TSEN15: variants seen among roughly 807,000 people sequenced by gnomAD.
The protein encoded by TSEN15 is tRNA-splicing endonuclease subunit Sen15.
A neutral mutation model predicts 20.5 loss-of-function variants in TSEN15; 10 were observed. The observed-to-expected ratio is 0.49, with a 90% CI of 0.30 to 0.83. TSEN15 has a LOEUF of 0.83. Among genes scored for constraint, TSEN15 ranks in the 40% least tolerant of loss-of-function variants. TSEN15 has a pLI of 0.06. For missense variants in TSEN15, 180 were observed against 218.6 expected (o/e 0.82, Z 1.11); for synonymous variants, 72 against 80.1 (o/e 0.90, Z 0.54).
chr1:184,072,016 AT>A, intron 3 of TSEN15, 140 bp from the exon 4 acceptor site: 2 of 734,168 alleles, frequency 2.7e-6, no homozygotes, highest in Non-Finnish European at 2.1e-6. Flanking sequence ...CTCTGATGTT[AT>A]TTTTTAAAAT....
intron 3 of TSEN15, among the ~76,000 whole-genome samples, chr1:184,060,599 A>T (rs993870654): frequency 6.6e-6 from 1 of 152,256 alleles, no homozygotes; most frequent in African/African-American, 2.4e-5. Flanking sequence ...ATTTCAAAGT[A>T]TTTCAAAATA....
At chr1:184,066,486 C>G (rs1340683172) in intron 3 of TSEN15, among the ~76,000 whole-genome samples, 1 of 151,672 alleles carries the variant, frequency 6.6e-6, no homozygotes, top group Non-Finnish European at 1.5e-5. Context: ...CACTGCAACC[C>G]GGTCCGCCTC....
chr1:184,078,923 C>G (rs926624033), downstream of TSEN15, among the ~76,000 whole-genome samples: 20 of 152,066 alleles, frequency 1.3e-4, no homozygotes, highest in Non-Finnish European at 2.6e-4. Context: ...TCCATTGCAG[C>G]CCCTAGCAGA....
At chr1:184,083,470 A>C (rs915035507) in intron 3 of TSEN15, among the ~76,000 whole-genome samples, 2 of 152,180 alleles carry the variant, frequency 1.3e-5, no homozygotes, top group Non-Finnish European at 2.9e-5. Flanking sequence ...TATTTATTCA[A>C]CATTTTTTGG....
chr1:184,059,664 G>A (rs933541810), intron 3 of TSEN15, among the ~76,000 whole-genome samples: 8 of 152,130 alleles, frequency 5.3e-5, no homozygotes, highest in South Asian at 2.1e-4. Context: ...TCCGCCTCCC[G>A]GGTTCAAGTG....
exon 4 of TSEN15, chr1:184,096,422 A>G (rs2101950258): frequency 6.6e-6 from 1 of 152,348 alleles, no homozygotes; most frequent in South Asian, 2.1e-4. Flanking sequence ...GGTTTTAGGA[A>G]TCACAGGGTT....
In TSEN15 at chr1:184,051,886, C is replaced by T. The variant is rs766250288; in HGVS notation, c.131C>T (p.Pro44Leu). 18 of 1,549,558 alleles carry T rather than the reference C, an allele frequency of 1.2e-5. No homozygotes were observed. Among genetic ancestry groups the T allele is most frequent in the Non-Finnish European group, 1.4e-5 (16 of 1,147,456 alleles). The change falls in exon 1 of 5, where the codon CCT (proline) becomes CTT (leucine). Residue 44 changes from proline to leucine, a missense_variant. Physicochemically the swap from Pro to Leu is moderately conservative, Grantham distance 98 (BLOSUM62 -3). Transcript: ENST00000645668. Reference sequence around the variant, plus strand: ...GAGGACGCCTGGATGGGCACTCACCCTAAGGTCAGGAGGCGCGAGAGGAGC... The same window carrying T: ...GAGGACGCCTGGATGGGCACTCACCTTAAGGTCAGGAGGCGCGAGAGGAGC... ...APEDAWMGTH[P>L]KYLEMMELDI... is the part of the protein sequence containing the mutation.
At chr1:184,054,497 T>G in intron 2 of TSEN15, 62 bp downstream of exon 2, 1 of 1,337,346 alleles carries the variant, frequency 7.5e-7, no homozygotes, top group South Asian at 1.2e-5. Context: ...GGGGGTTGGA[T>G]TGGGATATAG....
At chr1:184,086,009 C>G (rs905256943) in intron 3 of TSEN15, among the ~76,000 whole-genome samples, 3 of 152,076 alleles carry the variant, frequency 2.0e-5, no homozygotes, top group African/African-American at 7.2e-5. Context: ...AAAATGTATG[C>G]AAAGAGGGAC....
chr1:184,095,551 GGGGCCTTAATC>G, intron 3 of TSEN15: 1 of 394,106 alleles, frequency 2.5e-6, no homozygotes, highest in Non-Finnish European at 4.5e-6. Context: ...TCATGAGAGT[GGGGCCTTAATC>G]CAACAGGACT....
At chr1:184,075,582 C>T (rs1364037781), downstream of TSEN15, among the ~76,000 whole-genome samples, 3 of 151,896 alleles carry the variant, frequency 2.0e-5, no homozygotes, top group Non-Finnish European at 2.9e-5. Context: ...TATTTTTTCC[C>T]TCAAGGCAAA....
intron 3 of TSEN15, among the ~76,000 whole-genome samples, chr1:184,062,256 A>G (rs1172223574): frequency 1.3e-5 from 2 of 152,134 alleles, no homozygotes; most frequent in Non-Finnish European, 2.9e-5. Context: ...TTTGCATGGT[A>G]TCCATATGGA....
At chr1:184,056,973 C>G (rs965360891) in intron 3 of TSEN15, among the ~76,000 whole-genome samples, 1 of 152,114 alleles carries the variant, frequency 6.6e-6, no homozygotes, top group Non-Finnish European at 1.5e-5. Context: ...GATGGCTTCT[C>G]CTAATTCTGG....
chr1:184,051,789 G>A lies in TSEN15; in HGVS notation c.34G>A (p.Gly12Ser), dbSNP rs2102874440. 3.3e-6 allele frequency: 5 copies of A among 1,521,310 alleles called. No individual in the cohort carries two copies. The highest frequency in any genetic ancestry group is 2.5e-5 in the South Asian group (2 of 81,422). 94.2% of individuals were successfully genotyped at this position (1,521,310 alleles called of 1,614,324 possible). A position where few individuals can be genotyped will look rare whatever the true frequency, so the allele number is the denominator to read the frequency against. Reference sequence around the variant, plus strand: ...GCGCGGCGATTCCGAGCCGACCCCCGGCTGCAGCGGCCTGGGTCCGGGCGG... The same window carrying A: ...GCGCGGCGATTCCGAGCCGACCCCCAGCTGCAGCGGCCTGGGTCCGGGCGG... Reference protein sequence around the residue: ...EERGDSEPTPGCSGLGPGGVR... With the variant: ...EERGDSEPTPSCSGLGPGGVR... The change falls in exon 1 of 5, where the codon GGC (glycine) becomes AGC (serine). Residue 12 changes from glycine (G) to serine (S), a missense_variant. Around this residue, in one of 3 missense-constraint regions of TSEN15, gnomAD observed 76 missense variants for 66.5 expected, o/e 1.14. Coordinates refer to ENST00000645668, the MANE Select transcript of TSEN15 (RefSeq NM_052965.4).
chr1:184,070,933 A>C (rs187393960), intron 3 of TSEN15: 11 of 181,542 alleles, frequency 6.1e-5, no homozygotes, highest in Non-Finnish European at 1.3e-4. Context: ...CTAATGGCAC[A>C]GTGTACCTTA....
intron 3 of TSEN15, among the ~76,000 whole-genome samples, chr1:184,081,965 A>G (rs1340997490): frequency 3.3e-5 from 5 of 152,208 alleles, no homozygotes; most frequent in Non-Finnish European, 7.3e-5. Context: ...TGGAAAAAAG[A>G]AAGCAGTTGT....
intron 3 of TSEN15, among the ~76,000 whole-genome samples, chr1:184,090,951 G>A (rs956070894): frequency 1.3e-5 from 2 of 152,150 alleles, no homozygotes; most frequent in Non-Finnish European, 2.9e-5. Context: ...AGGGAGGGCT[G>A]AGGTTTACAA....
intron 3 of TSEN15, among the ~76,000 whole-genome samples, chr1:184,065,500 A>G (rs1415317433): frequency 2.0e-5 from 3 of 152,184 alleles, no homozygotes; most frequent in African/African-American, 4.8e-5. Flanking sequence ...AACATACCCT[A>G]TGCTTCATTT....
At chr1:184,064,933 G>A (rs190878325) in intron 3 of TSEN15, among the ~76,000 whole-genome samples, 36 of 152,126 alleles carry the variant, frequency 2.4e-4, no homozygotes, top group Admixed American at 7.2e-4. Context: ...AAATATCATC[G>A]ATATACTGAT....
Sources: allele counts gnomAD v4.1 joint callset (sites outside exome capture counted in the v4.1 genomes callset), GRCh38; gene constraint gnomAD v4.1.1; regional missense constraint gnomAD v4.1.1; transcripts MANE v1.5; gene names NCBI Gene and HGNC (gene_info 2026-07-23, HGNC 2026-07-21).